The following TFB1M variants were observed in gnomAD, a reference collection of about 807,000 sequenced individuals.
The protein encoded by TFB1M is dimethyladenosine transferase 1, mitochondrial.
A neutral mutation model predicts 31.1 loss-of-function variants in TFB1M; 27 were observed. The observed-to-expected ratio is 0.87, with a 90% confidence interval of 0.64 to 1.20. The LOEUF (loss-of-function observed/expected upper bound fraction) is 1.20, where lower values mean the gene tolerates loss of function less well. Ranked by LOEUF, TFB1M falls within the 50% of genes most tolerant of loss-of-function variation. The probability of loss-of-function intolerance (pLI) is 0.00; values close to 1 mark genes in which losing one functional copy is unlikely to be tolerated. For synonymous variants in TFB1M, 166 were observed against 151.8 expected, an observed-to-expected ratio of 1.09 and a Z score of -0.69; for missense variants, 394 against 418.7, an observed-to-expected ratio of 0.94 and a Z score of 0.51.
intron 4 of TFB1M, among the ~76,000 whole-genome samples, chr6:155,296,340 A>ACCT (rs1382778923): frequency 6.6e-6 from 1 of 150,520 alleles, no homozygotes; most frequent in Non-Finnish European, 1.5e-5. Flanking sequence ...GCTCACTGCA[A>ACCT]CCTCCGCCTC....
chr6:155,240,721 G>C, the TFB1M span: 4 of 1,603,654 alleles, frequency 2.5e-6, no homozygotes, highest in Admixed American at 6.7e-5. Context: ...TAAGGGAAGA[G>C]CTGGCATTTA....
At chr6:155,298,993 A>C (rs889204493) in intron 2 of TFB1M, among the ~76,000 whole-genome samples, 1 of 152,206 alleles carries the variant, frequency 6.6e-6, no homozygotes, top group African/African-American at 2.4e-5. Context: ...ATTTAACTAA[A>C]TCTTTATAGC....
chr6:155,284,421 T>C (rs13191716), intron 5 of TFB1M, among the ~76,000 whole-genome samples: 76 of 152,326 alleles, frequency 5.0e-4, no homozygotes, highest in Middle Eastern at 3.4e-3. Context: ...GTGAACTCCC[T>C]GAAGGCAGAC....
intron 5 of TFB1M, among the ~76,000 whole-genome samples, chr6:155,278,410 T>C (rs902332045): frequency 6.6e-6 from 1 of 152,244 alleles, no homozygotes. Flanking sequence ...AAACGCTCTA[T>C]TTAAGAAGTC....
downstream of TFB1M, chr6:155,252,122 A>C: frequency 8.4e-6 from 6 of 714,634 alleles, no homozygotes; most frequent in South Asian, 1.1e-4. Flanking sequence ...GCTTACTCTG[A>C]GGGTAACTAA....
chr6:155,311,280 C>A lies in TFB1M; in HGVS notation c.193G>T (p.Gly65Trp). Reference sequence around the variant, plus strand: ...ATAGATCTTGTGATTCCCCCTGGCCCAGGGCCCACTTCGTAAACATAAGCA... The same window carrying A: ...ATAGATCTTGTGATTCCCCCTGGCCAAGGGCCCACTTCGTAAACATAAGCA... Reference protein sequence around the residue: ...TNAYVYEVGPGPGGITRSILN... With the variant: ...TNAYVYEVGPWPGGITRSILN... Residue 65 changes from glycine (G) to tryptophan (W), a missense_variant, in exon 2 of 7, where the codon GGG becomes TGG. Transcript: ENST00000367166. 1 of 1,614,036 alleles carries A rather than the reference C, an allele frequency of 6.2e-7. No individual in the cohort carries two copies. The highest frequency in any genetic ancestry group is 8.5e-7 in the Non-Finnish European group (1 of 1,179,932).
At position 155,256,308 on chromosome 6, in the gene TFB1M, A is replaced by G. The variant is rs1352332954; in HGVS notation, c.*1528T>C. The G allele has an allele frequency of 1.5e-5, 14 of 930,796 alleles. No individual in the cohort carries two copies. In the East Asian group the frequency reaches 2.9e-4, roughly 19 times the overall value. 57.7% of individuals were successfully genotyped at this position (930,796 alleles called of 1,614,324 possible). On this transcript the variant is annotated 3_prime_UTR_variant, in exon 7 of 7. Coordinates refer to ENST00000367166, the MANE Select transcript of TFB1M (RefSeq NM_016020.4). Reference sequence around the variant, plus strand: ...AACTTACAACTGTAAACCTAAGTCAAAAATGTCCATGTTTTCAGTAGCTAC... The same window carrying G: ...AACTTACAACTGTAAACCTAAGTCAGAAATGTCCATGTTTTCAGTAGCTAC...
intron 5 of TFB1M, among the ~76,000 whole-genome samples, chr6:155,280,399 T>C (rs942318890): frequency 1.3e-5 from 2 of 152,302 alleles, no homozygotes; most frequent in African/African-American, 2.4e-5. Flanking sequence ...AGCTGGTCCC[T>C]TGCCTCAAGG....
chr6:155,252,882 T>C, downstream of TFB1M: 1 of 1,423,016 alleles, frequency 7.0e-7, no homozygotes, highest in Non-Finnish European at 9.9e-7. Flanking sequence ...TTCTATTCAC[T>C]GTGCACACAT....
chr6:155,286,348 A>G (rs946262664), intron 4 of TFB1M, among the ~76,000 whole-genome samples: 3 of 150,178 alleles, frequency 2.0e-5, no homozygotes, highest in Non-Finnish European at 3.0e-5. Flanking sequence ...GCAGAGCTAT[A>G]TAAGAAAAGA....
the TFB1M span, among the ~76,000 whole-genome samples, chr6:155,247,124 G>A: frequency 3.9e-5 from 6 of 152,248 alleles, no homozygotes; most frequent in Non-Finnish European, 8.8e-5. Flanking sequence ...GAGCTGTGGA[G>A]TGAAGGCTGT....
At chr6:155,292,663 T>TA (rs1279877412) in intron 4 of TFB1M, among the ~76,000 whole-genome samples, 1 of 151,724 alleles carries the variant, frequency 6.6e-6, no homozygotes, top group Admixed American at 6.6e-5. Context: ...TCATCAGCAT[T>TA]AAAAAAAATA....
At chr6:155,240,695 A>T in the TFB1M span, 1 of 1,612,316 alleles carries the variant, frequency 6.2e-7, no homozygotes, top group East Asian at 2.2e-5. Context: ...GGACACAGAG[A>T]AGTCCTACGT....
chr6:155,302,715 T>G (rs557354264), intron 2 of TFB1M, among the ~76,000 whole-genome samples: 1 of 152,352 alleles, frequency 6.6e-6, no homozygotes, highest in East Asian at 1.9e-4. Context: ...GATATTTCAA[T>G]GTCATTATCA....
the TFB1M span, among the ~76,000 whole-genome samples, chr6:155,229,924 C>T: frequency 6.6e-6 from 1 of 152,028 alleles, no homozygotes; most frequent in Non-Finnish European, 1.5e-5. Flanking sequence ...GAGACTTATT[C>T]ACTATCACGA....
At chr6:155,243,905 A>C in the TFB1M span, 1 of 694,024 alleles carries the variant, frequency 1.4e-6, no homozygotes, top group Admixed American at 2.1e-5. Context: ...AAACTTCATT[A>C]TCCTGATGGG....
the TFB1M span, chr6:155,240,406 C>T: frequency 9.8e-7 from 1 of 1,016,784 alleles, no homozygotes; most frequent in Non-Finnish European, 1.4e-6. Flanking sequence ...AACCCTTTGC[C>T]CTACACAGAG....
intron 5 of TFB1M, among the ~76,000 whole-genome samples, chr6:155,278,023 C>T (rs1374356440): frequency 6.6e-6 from 1 of 152,084 alleles, no homozygotes; most frequent in Admixed American, 6.6e-5. Context: ...AGTAGAAACA[C>T]GAATGTTTCA....
chr6:155,253,301 C>T, downstream of TFB1M: 1 of 471,072 alleles, frequency 2.1e-6, no homozygotes, highest in Non-Finnish European at 3.8e-6. Context: ...CAATAGTTTT[C>T]AACATTTTCC....
Sources: allele counts gnomAD v4.1 joint callset (sites outside exome capture counted in the v4.1 genomes callset), GRCh38; gene constraint gnomAD v4.1.1; transcripts MANE v1.5; gene names NCBI Gene and HGNC (gene_info 2026-07-23, HGNC 2026-07-21).